Variants in WWOX observed in about 807,000 individuals in gnomAD.
The protein encoded by WWOX is WW domain containing oxidoreductase.
WWOX carries 69 observed loss-of-function variants against 46.2 expected under a neutral mutation model. The observed-to-expected ratio is 1.49, with a 90% CI of 1.23 to 1.82. The LOEUF is 1.82. WWOX is among the 40% of genes most tolerant of loss of function. WWOX has a pLI of 0.00. For synonymous variants in WWOX, 359 were observed against 202.6 expected, an observed-to-expected ratio of 1.77 and a Z score of -6.56; for missense variants, 919 against 542.6, an observed-to-expected ratio of 1.69 and a Z score of -6.89.
In WWOX at chr16:78,875,582, C is replaced by T. The variant is rs80352542; in HGVS notation, c.1057-336026C>T. Among the ~76,000 whole-genome samples, 1,423 of 152,272 alleles carry T rather than the reference C, an allele frequency of 9.3e-3. 15 individuals carry two copies. The highest frequency in any genetic ancestry group is 0.03 in the African/African-American group (1,233 of 41,538). ...ATTCACTTTGCCTCTCTTCCCGACT[C>T]TTCATATCCCTTATCTCAAGGTGAG... On this transcript the variant is annotated intron_variant, in intron 8 of 8. Transcript: ENST00000566780.
intron 5 of WWOX, among the ~76,000 whole-genome samples, chr16:78,375,391 T>G (rs973540019): frequency 8.5e-5 from 13 of 152,340 alleles, no homozygotes; most frequent in Admixed American, 7.8e-4. Context: ...CCTACTTGCA[T>G]TTCTATTTAA....
In WWOX at chr16:78,495,145, CTTT is replaced by C. The variant is rs71140804; in HGVS notation, c.1056+62405_1056+62407del. On this transcript the variant is annotated intron_variant, in intron 8 of 8. Transcript: ENST00000566780. The stretch of plus-strand genomic sequence containing the variant: ...AAGATTAGTAGTAGACTGTTGTGTT[CTTT>C]TTTTTTTTTTTGAGATAGACTCTTG... Among the ~76,000 whole-genome samples, 84 of 116,606 alleles carry C rather than the reference CTTT, an allele frequency of 7.2e-4. 2 individuals are homozygous for C. The highest frequency in any genetic ancestry group is 1.2e-3 in the Non-Finnish European group (67 of 57,736). 76.5% of individuals were successfully genotyped at this position (116,606 alleles called of 152,430 possible).
intron 5 of WWOX, among the ~76,000 whole-genome samples, chr16:78,215,201 C>G (rs923401647): frequency 6.6e-6 from 1 of 152,148 alleles, no homozygotes; most frequent in African/African-American, 2.4e-5. Context: ...CAAGCACCTG[C>G]TATGTATCAG....
At chr16:78,558,685 C>G (rs1312910777) in intron 8 of WWOX, among the ~76,000 whole-genome samples, 1 of 152,226 alleles carries the variant, frequency 6.6e-6, no homozygotes, top group Non-Finnish European at 1.5e-5. Context: ...TTCCAGCCTC[C>G]AATTCACTGA....
At chr16:78,592,135 T>C (rs980011572) in intron 8 of WWOX, among the ~76,000 whole-genome samples, 1 of 152,226 alleles carries the variant, frequency 6.6e-6, no homozygotes, top group South Asian at 2.1e-4. Context: ...GATGTGCATA[T>C]GTGAAAATAA....
At chr16:78,323,874 A>T (rs148515913) in intron 5 of WWOX, among the ~76,000 whole-genome samples, 238 of 152,294 alleles carry the variant, frequency 1.6e-3, no homozygotes, top group Middle Eastern at 6.8e-3. Context: ...TTAAGGACTC[A>T]GAGGCCTGCT....
chr16:78,374,791 C>A lies in WWOX; in HGVS notation c.517-12069C>A, dbSNP rs11645719. ...GGTCTTGATCTCCTGACCTTGTGGTCCGTCTGCCTCGGCCTCCCAAAGTGC... is the reference window on the plus strand; with the variant it reads ...GGTCTTGATCTCCTGACCTTGTGGTACGTCTGCCTCGGCCTCCCAAAGTGC... On this transcript the variant is annotated intron_variant, in intron 5 of 8. Coordinates refer to ENST00000566780, the MANE Select transcript of WWOX (RefSeq NM_016373.4). 2.0e-5 allele frequency among the ~76,000 whole-genome samples: 3 copies of A among 151,712 alleles called. No individual in the cohort carries two copies. The East Asian group carries it at 5.8e-4, about 30-fold the overall frequency.
chr16:78,555,721 C>G (rs1004389164), intron 8 of WWOX, among the ~76,000 whole-genome samples: 2 of 151,974 alleles, frequency 1.3e-5, no homozygotes, highest in Admixed American at 6.6e-5. Flanking sequence ...CCCTGCAGTT[C>G]CAAATGACTC....
Position 78,917,413 on chromosome 16 carries a change from C to G in WWOX, c.1057-294195C>G, listed in dbSNP as rs1394569. ...AGCCTTAGTCAGTGGGAGCCACTGA[C>G]CTGCATTCGTGTAGGAACTGAGCAA... On this transcript the variant is annotated intron_variant, in intron 8 of 8. Coordinates refer to ENST00000566780, the MANE Select transcript of WWOX (RefSeq NM_016373.4). Among the ~76,000 whole-genome samples the G allele has an allele frequency of 2.6e-3, 403 of 152,254 alleles. 1 individual carries two copies. The highest frequency in any genetic ancestry group is 9.2e-3 in the African/African-American group (382 of 41,560).
intron 5 of WWOX, among the ~76,000 whole-genome samples, chr16:78,349,568 C>G (rs2081150899): frequency 1.7e-5 from 2 of 120,726 alleles, no homozygotes; most frequent in South Asian, 2.5e-4. Context: ...ACTGTCTTGC[C>G]TGGTGCTGCA....
chr16:78,227,135 C>T (rs565937444), intron 5 of WWOX, among the ~76,000 whole-genome samples: 76 of 152,300 alleles, frequency 5.0e-4, no homozygotes, highest in Non-Finnish European at 8.2e-4. Context: ...AATATTACCA[C>T]GAAATCATTT....
intron 8 of WWOX, among the ~76,000 whole-genome samples, chr16:79,060,388 T>C (rs1342080843): frequency 6.6e-6 from 1 of 152,252 alleles, no homozygotes. Flanking sequence ...GTAAGGTTCT[T>C]GAAAACTGAA....
At chr16:78,100,535 G>A (rs1299552503) in intron 1 of WWOX, among the ~76,000 whole-genome samples, 2 of 152,232 alleles carry the variant, frequency 1.3e-5, no homozygotes, top group South Asian at 2.1e-4. Context: ...ACAGGCGTGA[G>A]CCACTGCGCC....
At chr16:78,360,414 GTC>G (rs2081384371) in intron 5 of WWOX, among the ~76,000 whole-genome samples, 1 of 151,820 alleles carries the variant, frequency 6.6e-6, no homozygotes, top group South Asian at 2.1e-4. Context: ...GTGAAATCCT[GTC>G]TCTACTAAAA....
At chr16:78,785,757 G>A (rs1353204442) in intron 8 of WWOX, among the ~76,000 whole-genome samples, 3 of 152,146 alleles carry the variant, frequency 2.0e-5, no homozygotes, top group Admixed American at 1.3e-4. Flanking sequence ...AACAAAATAA[G>A]ACATATGTCA....
At chr16:78,816,172 C>A (rs193219464) in intron 8 of WWOX, among the ~76,000 whole-genome samples, 1 of 152,248 alleles carries the variant, frequency 6.6e-6, no homozygotes, top group East Asian at 1.9e-4. Context: ...CTAACTGGAC[C>A]CCCTCTGATA....
At chr16:78,487,893 A>G (rs2084679288) in intron 8 of WWOX, among the ~76,000 whole-genome samples, 1 of 152,116 alleles carries the variant, frequency 6.6e-6, no homozygotes, top group Admixed American at 6.5e-5. Context: ...ATGTCACCAA[A>G]TTAATGTCCG....
At chr16:78,798,346 G>GC (rs2050797913) in intron 8 of WWOX, among the ~76,000 whole-genome samples, 1 of 152,116 alleles carries the variant, frequency 6.6e-6, no homozygotes, top group Non-Finnish European at 1.5e-5. Context: ...CCTTTCCCTA[G>GC]CTAGAGGTCA....
intron 8 of WWOX, among the ~76,000 whole-genome samples, chr16:79,019,494 C>G (rs904555314): frequency 6.6e-6 from 1 of 152,034 alleles, no homozygotes; most frequent in Non-Finnish European, 1.5e-5. Flanking sequence ...ATATTATAAT[C>G]TTTGGGACAG....
Sources: allele counts gnomAD v4.1 joint callset (sites outside exome capture counted in the v4.1 genomes callset), GRCh38; gene constraint gnomAD v4.1.1; transcripts MANE v1.5; gene names NCBI Gene and HGNC (gene_info 2026-07-23, HGNC 2026-07-21).